Variants in IL1R1 observed in about 807,000 individuals in gnomAD.
IL1R1 encodes the protein interleukin-1 receptor type 1.
Under a neutral mutation model 50.2 loss-of-function variants are expected in IL1R1, and 22 were observed. That is an observed-to-expected ratio of 0.44 (90% CI 0.31 to 0.63). IL1R1 has a LOEUF of 0.63. IL1R1 is among the 20% of genes least tolerant of loss of function. IL1R1 has a pLI of 0.07. For missense variants in IL1R1, 509 were observed against 676.2 expected, an observed-to-expected ratio of 0.75 and a Z score of 2.74; for synonymous variants, 251 against 236.7, an observed-to-expected ratio of 1.06 and a Z score of -0.55.
chr2:102,168,195 A>G (rs527748901), intron 6 of IL1R1, among the ~76,000 whole-genome samples: 59 of 152,204 alleles, frequency 3.9e-4, no homozygotes, highest in Admixed American at 4.6e-4. Context: ...TCATTAACAC[A>G]GTCATTAAAT....
At chr2:102,082,786 C>T (rs746442161) in intron 1 of IL1R1, among the ~76,000 whole-genome samples, 2 of 152,154 alleles carry the variant, frequency 1.3e-5, no homozygotes, top group Non-Finnish European at 2.9e-5. Context: ...GACTGTTGCT[C>T]GGTCAGTGCA....
At chr2:102,091,805 C>G (rs7582952) in intron 1 of IL1R1, among the ~76,000 whole-genome samples, 150,702 of 152,344 alleles carry the variant, frequency 0.99, 74,546 homozygotes, top group East Asian at 1. Flanking sequence ...CCAGCCTCTA[C>G]TATCTATTAT....
chr2:102,085,927 T>C (rs1679412108), intron 1 of IL1R1, among the ~76,000 whole-genome samples: 1 of 151,660 alleles, frequency 6.6e-6, no homozygotes, highest in Non-Finnish European at 1.5e-5. Flanking sequence ...CTTACATGTT[T>C]TTCATATTTT....
chr2:102,174,819 G>C, intron 10 of IL1R1, 89 bp downstream of exon 10: 2 of 1,092,618 alleles, frequency 1.8e-6, no homozygotes, highest in Non-Finnish European at 2.6e-6. Context: ...TTTTTACTAA[G>C]AGGGTTTCTA....
intron 1 of IL1R1, among the ~76,000 whole-genome samples, chr2:102,084,772 G>A (rs563985622): frequency 6.6e-6 from 1 of 152,154 alleles, no homozygotes; most frequent in Admixed American, 6.5e-5. Context: ...AAATTACTGA[G>A]TCATAAGATA....
At chr2:102,089,385 C>T (rs187217584) in intron 1 of IL1R1, among the ~76,000 whole-genome samples, 205 of 152,268 alleles carry the variant, frequency 1.3e-3, no homozygotes, top group Non-Finnish European at 2.4e-3. Flanking sequence ...ACTTTTCTGT[C>T]TTATGAGTGT....
At position 102,091,667 on chromosome 2, in the gene IL1R1, A is replaced by G. The variant is rs575198544; in HGVS notation, c.-84+21134A>G. 1.3e-3 allele frequency among the ~76,000 whole-genome samples: 203 copies of G among 152,330 alleles called. 3 individuals are homozygous for G. Among genetic ancestry groups the G allele is most frequent in the Admixed American group, 4.2e-3 (65 of 15,306 alleles). On this transcript the variant is annotated intron_variant, in intron 1 of 11. Transcript: ENST00000409929. ...CTCTTGTAACTACTTTGAAATAGAC[A>G]ATACACTGTTGCTTACTATAGTCAC... is the stretch of plus-strand genomic sequence containing the variant.
chr2:102,139,663 T>C (rs1682533365), upstream of IL1R1, among the ~76,000 whole-genome samples: 1 of 152,232 alleles, frequency 6.6e-6, no homozygotes, highest in Non-Finnish European at 1.5e-5. Flanking sequence ...TGAGTTCACA[T>C]GAGATCTGGT....
At chr2:102,094,391 T>C (rs911691391) in intron 1 of IL1R1, among the ~76,000 whole-genome samples, 1 of 152,202 alleles carries the variant, frequency 6.6e-6, no homozygotes, top group African/African-American at 2.4e-5. Flanking sequence ...TGGGGTCTGA[T>C]TATAAAGAAA....
chr2:102,149,187 T>G (rs1683427566), intron 1 of IL1R1, among the ~76,000 whole-genome samples: 1 of 96,814 alleles, frequency 1.0e-5, no homozygotes, highest in South Asian at 3.1e-4. Context: ...TTTCTAAGTA[T>G]CTCTCCATTA....
intron 7 of IL1R1, 113 bp downstream of exon 7, chr2:102,168,776 C>A: frequency 2.7e-6 from 2 of 732,112 alleles, no homozygotes; most frequent in Admixed American, 2.8e-5. Flanking sequence ...CTGTATAAAT[C>A]TATCAATGGA....
chr2:102,125,019 C>T (rs1265547856), intron 1 of IL1R1, among the ~76,000 whole-genome samples: 1 of 152,020 alleles, frequency 6.6e-6, no homozygotes, highest in Non-Finnish European at 1.5e-5. Context: ...AGGTTCCTCC[C>T]TTGACACATG....
intron 1 of IL1R1, among the ~76,000 whole-genome samples, chr2:102,086,082 T>G (rs887027554): frequency 6.6e-6 from 1 of 152,208 alleles, no homozygotes; most frequent in African/African-American, 2.4e-5. Flanking sequence ...ATATTGACCT[T>G]TTATCCACTA....
In IL1R1 at chr2:102,177,217, G is replaced by A; in HGVS notation, c.*458G>A. On this transcript the variant is annotated 3_prime_UTR_variant, in exon 12 of 12. Coordinates refer to ENST00000410023, the MANE Select transcript of IL1R1 (RefSeq NM_000877.4). ...GGAGACGGAGGTTGCAGTGAGCCGAGTTTGGGCCACTGCACTCTAGCCTGG... is the reference window on the plus strand; with the variant it reads ...GGAGACGGAGGTTGCAGTGAGCCGAATTTGGGCCACTGCACTCTAGCCTGG... 1 of 178,738 alleles carries A rather than the reference G, an allele frequency of 5.6e-6. No individual in the cohort carries two copies. Among genetic ancestry groups the A allele is most frequent in the South Asian group, 1.1e-4 (1 of 9,424 alleles). 11.1% of individuals were successfully genotyped at this position (178,738 alleles called of 1,614,324 possible). A position where few individuals can be genotyped will look rare whatever the true frequency, so the allele number is the denominator to read the frequency against.
intron 1 of IL1R1, among the ~76,000 whole-genome samples, chr2:102,087,677 C>T (rs113636618): frequency 6.6e-6 from 1 of 152,162 alleles, no homozygotes; most frequent in Non-Finnish European, 1.5e-5. Context: ...CTCCGTCTCT[C>T]CTGCCACCGT....
chr2:102,078,608 A>T (rs1424805987), intron 1 of IL1R1, among the ~76,000 whole-genome samples: 1 of 149,516 alleles, frequency 6.7e-6, no homozygotes, highest in African/African-American at 2.4e-5. Flanking sequence ...ACAAGAAAAA[A>T]AAAAGGAAAA....
At chr2:102,115,485 A>C (rs1398009334) in intron 1 of IL1R1, among the ~76,000 whole-genome samples, 1 of 152,138 alleles carries the variant, frequency 6.6e-6, no homozygotes, top group East Asian at 1.9e-4. Flanking sequence ...TTCAAGTTAT[A>C]CTCAATCTCA....
intron 1 of IL1R1, among the ~76,000 whole-genome samples, chr2:102,107,349 G>C (rs1228687270): frequency 6.6e-6 from 1 of 152,126 alleles, no homozygotes; most frequent in Non-Finnish European, 1.5e-5. Context: ...GTAGGGACAT[G>C]GATGAAGCTG....
At chr2:102,137,863 G>T, upstream of IL1R1, among the ~76,000 whole-genome samples, 1 of 152,098 alleles carries the variant, frequency 6.6e-6, no homozygotes, top group East Asian at 1.9e-4. Context: ...TATTCAGAAA[G>T]ATTAAAAGGT....
Sources: gnomAD v4.1 joint callset for allele counts (sites outside exome capture counted in the v4.1 genomes callset) on GRCh38, gnomAD v4.1.1 for gene constraint, MANE v1.5 for transcripts, NCBI Gene and HGNC (gene_info 2026-07-23, HGNC 2026-07-21) for gene names.